TMEM266: variants seen among roughly 807,000 people sequenced by gnomAD.
TMEM266 encodes transmembrane protein 266.
In TMEM266, 33 loss-of-function variants were observed where a neutral mutation model predicts 50.5. The observed-to-expected ratio is 0.65, with a 90% CI of 0.50 to 0.87. The LOEUF (loss-of-function observed/expected upper bound fraction) is 0.87, where lower values mean the gene tolerates loss of function less well. Among genes scored for constraint, TMEM266 ranks in the 40% least tolerant of loss-of-function variants. The pLI, the probability that TMEM266 is intolerant of heterozygous loss-of-function variation, is 0.00. For missense variants in TMEM266, 655 were observed against 695.1 expected (o/e 0.94, Z 0.65); for synonymous variants, 310 against 292.3 (o/e 1.06, Z -0.62).
At chr15:76,135,523 A>G (rs956436665) in intron 2 of TMEM266, among the ~76,000 whole-genome samples, 1 of 152,264 alleles carries the variant, frequency 6.6e-6, no homozygotes, top group Non-Finnish European at 1.5e-5. Context: ...TCAGTGATCC[A>G]TAGTTTCCTT....
At chr15:76,158,824 T>G (rs1052876584) in intron 4 of TMEM266, among the ~76,000 whole-genome samples, 3 of 152,224 alleles carry the variant, frequency 2.0e-5, no homozygotes, top group African/African-American at 4.8e-5. Flanking sequence ...AGGGTCGTCT[T>G]GGCCCAAAGC....
At chr15:76,085,153 G>A (rs932233832) in intron 1 of TMEM266, among the ~76,000 whole-genome samples, 2 of 151,188 alleles carry the variant, frequency 1.3e-5, no homozygotes, top group African/African-American at 2.4e-5. Flanking sequence ...TAGAGACAGG[G>A]TTTCACTGTG....
intron 5 of TMEM266, among the ~76,000 whole-genome samples, chr15:76,166,356 C>T (rs2038096878): frequency 6.6e-6 from 1 of 152,148 alleles, no homozygotes; most frequent in Admixed American, 6.5e-5. Context: ...TTTCCCAAGC[C>T]CTCTCCACAG....
chr15:76,147,877 T>C (rs1320525826), intron 3 of TMEM266, among the ~76,000 whole-genome samples: 2 of 152,256 alleles, frequency 1.3e-5, no homozygotes, highest in African/African-American at 4.8e-5. Flanking sequence ...ATTTAAAAAT[T>C]AGCCAGGCGT....
intron 4 of TMEM266, among the ~76,000 whole-genome samples, chr15:76,157,943 A>G (rs1461154982): frequency 1.3e-5 from 2 of 152,188 alleles, no homozygotes; most frequent in Admixed American, 1.3e-4. Context: ...AGCCGTGATC[A>G]CGCCACTGCA....
intron 1 of TMEM266, among the ~76,000 whole-genome samples, chr15:76,133,368 C>T (rs926864242): frequency 1.3e-5 from 2 of 151,748 alleles, no homozygotes; most frequent in African/African-American, 2.4e-5. Flanking sequence ...ACCCAGGAGG[C>T]GAGGTTGCAG....
Position 76,204,368 on chromosome 15 carries a change from C to T in TMEM266, c.*53C>T. 3 of 1,512,184 alleles carry T rather than the reference C, an allele frequency of 2.0e-6. No homozygotes were observed. Among genetic ancestry groups the T allele is most frequent in the South Asian group, 1.3e-5 (1 of 77,530 alleles). 93.7% of individuals were successfully genotyped at this position (1,512,184 alleles called of 1,614,324 possible). A position where few individuals can be genotyped will look rare whatever the true frequency, so the allele number is the denominator to read the frequency against. ...GGGAGACAGCCATCTCAAAGCTCTC[C>T]TGGGACCCTGGAGGCTGCCAAGGGC... On this transcript the variant is annotated 3_prime_UTR_variant, in exon 11 of 11. Coordinates refer to ENST00000388942, the MANE Select transcript of TMEM266 (RefSeq NM_152335.3).
chr15:76,082,823 G>T (rs1042689857), intron 1 of TMEM266, among the ~76,000 whole-genome samples: 4 of 152,146 alleles, frequency 2.6e-5, no homozygotes, highest in African/African-American at 7.2e-5. Context: ...ACAAAAATTA[G>T]CTAGGCGTGG....
At chr15:76,115,862 C>A in intron 1 of TMEM266, among the ~76,000 whole-genome samples, 1 of 152,078 alleles carries the variant, frequency 6.6e-6, no homozygotes, top group East Asian at 1.9e-4. Context: ...TGACCTCTGC[C>A]AACCAGATGA....
At chr15:76,164,044 C>T (rs1014651900) in intron 5 of TMEM266, among the ~76,000 whole-genome samples, 47 of 152,216 alleles carry the variant, frequency 3.1e-4, no homozygotes, top group Non-Finnish European at 6.8e-4. Flanking sequence ...GTCACTCCCC[C>T]TGCCCCCTAT....
In TMEM266 at chr15:76,169,900, C is replaced by T. The variant is rs1424900700; in HGVS notation, c.513+28C>T. The stretch of plus-strand genomic sequence containing the variant: ...AAAGACCAATGTCCACCCCCAAAGC[C>T]CCCACTCTGCCATCCTGGAAGCTGG... On this transcript the variant is annotated intron_variant, in intron 6 of 10. Coordinates refer to ENST00000388942, the MANE Select transcript of TMEM266 (RefSeq NM_152335.3). 6 of 1,603,080 alleles carry T rather than the reference C, an allele frequency of 3.7e-6. 1 individual carries two copies. In the South Asian group the frequency reaches 5.5e-5, roughly 15 times the overall value.
chr15:76,110,416 A>T (rs1287240736), intron 1 of TMEM266, among the ~76,000 whole-genome samples: 1 of 152,216 alleles, frequency 6.6e-6, no homozygotes, highest in African/African-American at 2.4e-5. Context: ...TTCTTAAAAC[A>T]TTATGAGACT....
chr15:76,159,029 G>T (rs1484320918), intron 4 of TMEM266, among the ~76,000 whole-genome samples: 1 of 151,636 alleles, frequency 6.6e-6, no homozygotes, highest in East Asian at 1.9e-4. Context: ...CCTGGGGGGG[G>T]TTCTGAGCAG....
rs192807393 is a variant in TMEM266, at chr15:76,126,566, C to G, written c.-96-7602C>G. On this transcript the variant is annotated intron_variant, in intron 1 of 10. Coordinates refer to ENST00000388942, the MANE Select transcript of TMEM266 (RefSeq NM_152335.3). ...TTTTTTTTTTAGACGGAGTCTCACT[C>G]TGTCGCCCAGGCTGGAGTGCAGTGG... Among the ~76,000 whole-genome samples, 53 of 150,800 alleles carry G rather than the reference C, an allele frequency of 3.5e-4. 1 individual carries two copies. In the East Asian group the frequency reaches 1.0e-2, roughly 28 times the overall value.
chr15:76,063,091 T>C (rs1458162735), intron 1 of TMEM266, among the ~76,000 whole-genome samples: 1 of 152,244 alleles, frequency 6.6e-6, no homozygotes, highest in Non-Finnish European at 1.5e-5. Flanking sequence ...GAGATTTTTA[T>C]TCAGTTGTCG....
At chr15:76,180,359 G>T (rs1422302976) in intron 8 of TMEM266, among the ~76,000 whole-genome samples, 1 of 152,136 alleles carries the variant, frequency 6.6e-6, no homozygotes, top group Non-Finnish European at 1.5e-5. Context: ...GGGAGCACTG[G>T]TCGGGTGTTT....
intron 9 of TMEM266, among the ~76,000 whole-genome samples, chr15:76,200,783 G>A (rs2038733677): frequency 2.0e-5 from 3 of 152,206 alleles, no homozygotes; most frequent in Admixed American, 2.0e-4. Context: ...TGCAAGAAGA[G>A]TGTAGCTGGC....
intron 8 of TMEM266, among the ~76,000 whole-genome samples, chr15:76,178,040 C>T (rs868826104): frequency 3.3e-5 from 5 of 152,122 alleles, no homozygotes; most frequent in East Asian, 3.9e-4. Flanking sequence ...GCAGTGCCCC[C>T]GGGGTTCGGG....
At chr15:76,169,622 C>T (rs1285695003) in intron 5 of TMEM266, among the ~76,000 whole-genome samples, 194 bp from the exon 6 acceptor site, 1 of 152,136 alleles carries the variant, frequency 6.6e-6, no homozygotes, top group African/African-American at 2.4e-5. Context: ...GGAGGCACGG[C>T]CACCACGAAG....
Sources: allele counts gnomAD v4.1 joint callset (sites outside exome capture counted in the v4.1 genomes callset), GRCh38; gene constraint gnomAD v4.1.1; transcripts MANE v1.5; gene names NCBI Gene and HGNC (gene_info 2026-07-23, HGNC 2026-07-21).